NEK11: variants seen among roughly 807,000 people sequenced by gnomAD.
NEK11 encodes serine/threonine-protein kinase Nek11.
A neutral mutation model predicts 80.7 loss-of-function variants in NEK11; 72 were observed. The ratio of observed to expected loss-of-function variants is 0.89; its 90% CI spans 0.74 to 1.08. NEK11 has a LOEUF of 1.08. NEK11 is among the 50% of genes least tolerant of loss of function. The pLI is 0.00. For synonymous variants in NEK11, 251 were observed against 260.7 expected, an observed-to-expected ratio of 0.96 and a Z score of 0.36; for missense variants, 764 against 763.6, an observed-to-expected ratio of 1.00 and a Z score of -0.01.
At chr3:131,272,463 C>CTTCTTTTTTTTTTTTTTTTT (rs2096210843) in intron 16 of NEK11, among the ~76,000 whole-genome samples, 28 of 43,898 alleles carry the variant, frequency 6.4e-4, no homozygotes, top group African/African-American at 2.3e-3. Context: ...GTTTTAGCTT[C>CTTCTTTTTTTTTTTTTTTTT]TTTTTTTTTT....
At chr3:131,031,126 A>G (rs551668085) in intron 3 of NEK11, among the ~76,000 whole-genome samples, 29 of 152,352 alleles carry the variant, frequency 1.9e-4, no homozygotes, top group African/African-American at 7.0e-4. Context: ...GGAATTGTAA[A>G]GGTAAATGTT....
At chr3:131,086,065 T>G (rs144411437) in intron 4 of NEK11, among the ~76,000 whole-genome samples, 2 of 152,352 alleles carry the variant, frequency 1.3e-5, no homozygotes, top group Non-Finnish European at 1.5e-5. Context: ...ATAGTAGTAT[T>G]GTATTCTTCT....
At chr3:131,329,907 T>G (rs1296118729) in intron 17 of NEK11, 1 of 152,196 alleles carries the variant, frequency 6.6e-6, no homozygotes, top group Non-Finnish European at 1.5e-5. Flanking sequence ...TGGAAAGACC[T>G]TTACTCTGAG....
At chr3:131,131,680 T>G (rs2084507816) in intron 5 of NEK11, among the ~76,000 whole-genome samples, 1 of 152,124 alleles carries the variant, frequency 6.6e-6, no homozygotes, top group Non-Finnish European at 1.5e-5. Context: ...TTATTTTTGT[T>G]GATATTCTCT....
intron 16 of NEK11, among the ~76,000 whole-genome samples, chr3:131,253,508 C>T (rs747475342): frequency 2.0e-5 from 3 of 152,092 alleles, no homozygotes; most frequent in East Asian, 1.9e-4. Context: ...ATGACATTTC[C>T]GTAGTTGAAA....
chr3:131,133,251 C>T (rs1290451236), intron 6 of NEK11: 1 of 455,190 alleles, frequency 2.2e-6, no homozygotes, highest in Admixed American at 2.4e-5. Flanking sequence ...TTTAGTTCTT[C>T]AGAACTGTAC....
At position 131,162,481 on chromosome 3, in the gene NEK11, C is replaced by T. The variant is rs758575840; in HGVS notation, c.1036C>T (p.Arg346Trp). ...VQKMTPRERM[R>W]LRKLQAADEK... is the part of the protein sequence containing the mutation. ...GAAAATGACGCCAAGAGAAAGGATG[C>T]GGCTGAGGAAGCTCCAGGCGGCTGA... The change falls in exon 11 of 18, where the codon CGG (arginine) becomes TGG (tryptophan). Residue 346 changes from arginine to tryptophan, a missense_variant. Physicochemically the swap from Arg to Trp is moderately radical, Grantham distance 101 (BLOSUM62 -3). Coordinates refer to ENST00000383366, the MANE Select transcript of NEK11 (RefSeq NM_024800.5). 190 of 1,613,828 alleles carry T rather than the reference C, an allele frequency of 1.2e-4. 1 individual carries two copies. Among genetic ancestry groups the T allele is most frequent in the Non-Finnish European group, 1.4e-4 (168 of 1,179,912 alleles).
chr3:131,209,855 T>G (rs1161315327), intron 14 of NEK11, among the ~76,000 whole-genome samples: 5 of 152,196 alleles, frequency 3.3e-5, no homozygotes, highest in Non-Finnish European at 7.3e-5. Flanking sequence ...TTTTATTGTG[T>G]CTATTTGATT....
At chr3:131,306,455 C>T (rs1032152520) in intron 17 of NEK11, among the ~76,000 whole-genome samples, 3 of 152,146 alleles carry the variant, frequency 2.0e-5, no homozygotes, top group Non-Finnish European at 4.4e-5. Context: ...TCTCAGTTCT[C>T]AGTTTCTCAG....
intron 3 of NEK11, among the ~76,000 whole-genome samples, chr3:131,074,250 TC>T (rs1251879100): frequency 6.6e-6 from 1 of 152,126 alleles, no homozygotes. Context: ...ATGGGAGGGT[TC>T]CTCATGCTTA....
chr3:131,330,011 A>T (rs1197379096), intron 17 of NEK11: 1 of 152,266 alleles, frequency 6.6e-6, no homozygotes, highest in African/African-American at 2.4e-5. Flanking sequence ...TGAGGGTAGA[A>T]GCAGGAAACG....
chr3:131,039,212 G>A (rs756368234), intron 3 of NEK11, among the ~76,000 whole-genome samples: 4 of 151,754 alleles, frequency 2.6e-5, no homozygotes, highest in Admixed American at 6.6e-5. Flanking sequence ...TTTTTTCATC[G>A]AGATGTTTTA....
At chr3:131,170,050 T>G (rs1034877774) in intron 13 of NEK11, among the ~76,000 whole-genome samples, 2 of 152,178 alleles carry the variant, frequency 1.3e-5, no homozygotes, top group African/African-American at 4.8e-5. Flanking sequence ...TTTTACTTAT[T>G]AAGATTAGTT....
chr3:131,156,020 T>C (rs1424932997), intron 10 of NEK11, among the ~76,000 whole-genome samples: 2 of 152,234 alleles, frequency 1.3e-5, no homozygotes, highest in Non-Finnish European at 2.9e-5. Flanking sequence ...TGTATTTTAT[T>C]AACTAGAGAT....
intron 16 of NEK11, among the ~76,000 whole-genome samples, chr3:131,271,857 G>A (rs1403212644): frequency 1.3e-5 from 2 of 151,922 alleles, no homozygotes; most frequent in Admixed American, 6.6e-5. Context: ...TTGGGAGGCC[G>A]AGGTGGGCGG....
chr3:131,126,317 AT>A (rs988482268), intron 5 of NEK11, among the ~76,000 whole-genome samples: 2 of 151,720 alleles, frequency 1.3e-5, no homozygotes, highest in Non-Finnish European at 2.9e-5. Flanking sequence ...TTCTGTGGTC[AT>A]TTTTTTTCCT....
At chr3:131,181,459 T>C (rs2093335048) in intron 14 of NEK11, among the ~76,000 whole-genome samples, 1 of 152,094 alleles carries the variant, frequency 6.6e-6, no homozygotes, top group Non-Finnish European at 1.5e-5. Flanking sequence ...AAGATAACTT[T>C]GTGTTGGCTG....
chr3:131,328,602 C>T (rs1046495182), intron 17 of NEK11: 1 of 152,116 alleles, frequency 6.6e-6, no homozygotes, highest in Non-Finnish European at 1.5e-5. Context: ...GGTAAATAAG[C>T]TGCAGGGAAA....
At chr3:131,274,809 G>A (rs1472538998) in intron 17 of NEK11, among the ~76,000 whole-genome samples, 8 of 150,766 alleles carry the variant, frequency 5.3e-5, no homozygotes, top group Non-Finnish European at 7.4e-5. Context: ...GCCTGCCACC[G>A]CGCCTGGCTA....
Sources: allele counts gnomAD v4.1 joint callset (sites outside exome capture counted in the v4.1 genomes callset), GRCh38; gene constraint gnomAD v4.1.1; transcripts MANE v1.5; gene names NCBI Gene and HGNC (gene_info 2026-07-23, HGNC 2026-07-21).